CHGA: variants seen among roughly 807,000 people sequenced by gnomAD.
The protein encoded by CHGA is chromogranin-A.
CHGA carries 41 observed loss-of-function variants against 54.4 expected under a neutral mutation model. The ratio of observed to expected loss-of-function variants is 0.75; its 90% CI spans 0.59 to 0.98. The LOEUF is 0.98. Among genes scored for constraint, CHGA ranks in the 50% least tolerant of loss-of-function variants. CHGA has a pLI of 0.00. For synonymous variants in CHGA, 249 were observed against 232.8 expected (o/e 1.07, Z -0.63); for missense variants, 576 against 582.3 (o/e 0.99, Z 0.11).
Position 92,932,292 on chromosome 14 carries a change from G to GC in CHGA, c.809-73dup. ...AGGCTGGGCTGTGGCCGCAGCAGAG[G>GC]CCCCCAGGGAGTGGCAGAGACTGGG... is the stretch of plus-strand genomic sequence containing the variant. On this transcript the variant is annotated intron_variant, in intron 6 of 7. Coordinates refer to ENST00000216492, the MANE Select transcript of CHGA (RefSeq NM_001275.4). The surrounding 1 kb of genome is among the most constrained non-coding windows in gnomAD (Gnocchi z 5.3). The GC allele has an allele frequency of 6.8e-7, 1 of 1,472,038 alleles. No individual in the cohort carries two copies. The highest frequency in any genetic ancestry group is 9.0e-7 in the Non-Finnish European group (1 of 1,109,456). The allele number at this position is 1,472,038 out of a possible 1,614,324, so 91.2% of individuals were successfully genotyped here. A position where few individuals can be genotyped will look rare whatever the true frequency, so the allele number is the denominator to read the frequency against.
rs1297967520 is a variant in CHGA at position 92,934,882 on chromosome 14, T to C, written c.1372T>C (p.Ter458ArgextTer74). The change falls in exon 8 of 8, where the codon TGA becomes CGA. Residue 458 changes from the stop codon to arginine (R), a stop_lost. Transcript: ENST00000216492. ...AHQLQALRRG[*>R] The stretch of plus-strand genomic sequence containing the variant: ...CCAGCTGCAGGCACTACGGCGGGGC[T>C]GAGACACCGGCTGGCAGGGCTGGCC... 1 of 1,561,946 alleles carries C rather than the reference T, an allele frequency of 6.4e-7. No homozygotes were observed. The highest frequency in any genetic ancestry group is 1.9e-5 in the Admixed American group (1 of 51,644).
intron 2 of CHGA, 117 bp downstream of exon 2, chr14:92,924,362 C>A: frequency 1.0e-6 from 1 of 989,994 alleles, no homozygotes; most frequent in Non-Finnish European, 1.5e-6. Context: ...ACTGCGGCTG[C>A]TGAGCCTGGG....
intron 3 of CHGA, among the ~76,000 whole-genome samples, chr14:92,927,216 G>A (rs1006843485): frequency 6.6e-6 from 1 of 152,196 alleles, no homozygotes; most frequent in Non-Finnish European, 1.5e-5. Context: ...ATGAAGACAG[G>A]GTTGTCCAGG....
chr14:92,932,534 C>T lies in CHGA; in HGVS notation c.973C>T (p.Leu325=). ...CTTCCGGGGTGGGAAGAGCGGAGAG[C>T]TGGAGCAGGAGGAGGAGCGGCTCTC... ...GLFRGGKSGE[L]EQEEERLSKE... is the part of the protein sequence containing the mutation. Residue 325 remains leucine (L), a synonymous_variant, in exon 7 of 8, where the codon CTG becomes TTG. Coordinates refer to ENST00000216492, the MANE Select transcript of CHGA (RefSeq NM_001275.4). The surrounding 1 kb of genome is among the most constrained non-coding windows in gnomAD (Gnocchi z 5.3). The T allele has an allele frequency of 6.4e-7, 1 of 1,554,062 alleles. No homozygotes were observed. Among genetic ancestry groups the T allele is most frequent in the South Asian group, 1.2e-5 (1 of 84,218 alleles).
chr14:92,923,385 T>C lies in CHGA; in HGVS notation c.26T>C (p.Leu9Pro). 7.8e-7 allele frequency: 1 copy of C among 1,286,790 alleles called. No individual in the cohort carries two copies. The highest frequency in any genetic ancestry group is 9.8e-7 in the Non-Finnish European group (1 of 1,021,514). The allele number at this position is 1,286,790 out of a possible 1,614,324, so 79.7% of individuals were successfully genotyped here. A position where few individuals can be genotyped will look rare whatever the true frequency, so the allele number is the denominator to read the frequency against. The change falls in exon 1 of 8, where the codon CTT becomes CCT. Residue 9 changes from leucine (L) to proline (P), a missense_variant. Coordinates refer to ENST00000216492, the MANE Select transcript of CHGA (RefSeq NM_001275.4). MRSAAVLA[L>P]LLCAGQVTAL... The stretch of plus-strand genomic sequence containing the variant: ...ATGCGCTCCGCCGCTGTCCTGGCTC[T>C]TCTGCTCTGCGCCGGGCAAGGTGAG...
intron 7 of CHGA, 56 bp from the exon 8 acceptor site, chr14:92,934,745 G>C: frequency 7.1e-7 from 1 of 1,399,158 alleles, no homozygotes; most frequent in Non-Finnish European, 9.9e-7. Context: ...CTGGCTTACT[G>C]TGCCTTCCAT....
Position 92,923,184 on chromosome 14 carries a change from G to C in CHGA, c.-176G>C, listed in dbSNP as rs999648459. 6.7e-6 allele frequency: 3 copies of C among 445,756 alleles called. No homozygotes were observed. Among genetic ancestry groups the C allele is most frequent in the African/African-American group, 6.2e-5 (3 of 48,308 alleles). The allele number at this position is 445,756 out of a possible 1,614,324, so 27.6% of individuals were successfully genotyped here. ...CCTGCCACTGCAGTGCTCGAGCCCCGTGCAGGGGAGCTTGCGGGAGGATCG... is the reference window on the plus strand; with the variant it reads ...CCTGCCACTGCAGTGCTCGAGCCCCCTGCAGGGGAGCTTGCGGGAGGATCG... On this transcript the variant is annotated 5_prime_UTR_variant, in exon 1 of 8. Coordinates refer to ENST00000216492, the MANE Select transcript of CHGA (RefSeq NM_001275.4).
Position 92,932,788 on chromosome 14 carries a change from C to T in CHGA, c.1227C>T (p.Leu409=). The T allele has an allele frequency of 6.3e-7, 1 of 1,579,760 alleles. No homozygotes were observed. The highest frequency in any genetic ancestry group is 8.6e-7 in the Non-Finnish European group (1 of 1,162,050). ...REDSLEAGLP[L]QVRGYPEEKK... ...ACAGCCTTGAGGCGGGCCTGCCCCT[C>T]CAGGTCCGAGGCTACCCCGAGGAGA... The change falls in exon 7 of 8, where the codon CTC becomes CTT. Residue 409 remains leucine (L), a synonymous_variant. Coordinates refer to ENST00000216492, the MANE Select transcript of CHGA (RefSeq NM_001275.4). This position sits in a 1 kb window ranked among gnomAD's most constrained non-coding sequence, Gnocchi z 5.3.
intron 6 of CHGA, 26 bp downstream of exon 6, chr14:92,931,728 C>G (rs767746033): frequency 6.5e-7 from 1 of 1,536,842 alleles, no homozygotes. Flanking sequence ...AAGACCTCAA[C>G]GAACGTGTCT....
At position 92,923,274 on chromosome 14, in the gene CHGA, G is replaced by T; in HGVS notation, c.-86G>T. 2.5e-6 allele frequency: 3 copies of T among 1,204,584 alleles called. No homozygotes were observed. The South Asian group carries it at 1.0e-4, about 42-fold the overall frequency. The allele number at this position is 1,204,584 out of a possible 1,614,324, so 74.6% of individuals were successfully genotyped here. A position where few individuals can be genotyped will look rare whatever the true frequency, so the allele number is the denominator to read the frequency against. ...CCCCGCGCCGGTGCCACCGCAGCCC[G>T]ACCCCGGCCGCCAGTCCAGCCGCCC... On this transcript the variant is annotated 5_prime_UTR_variant, in exon 1 of 8. Transcript: ENST00000216492.
At chr14:92,923,457 C>T in intron 1 of CHGA, 52 bp downstream of exon 1, 1 of 1,234,636 alleles carries the variant, frequency 8.1e-7, no homozygotes, top group Non-Finnish European at 1.0e-6. Context: ...CCCCTGCCCA[C>T]CTTGAGGTCC....
chr14:92,923,668 G>T (rs1204792643), intron 1 of CHGA, among the ~76,000 whole-genome samples: 1 of 152,192 alleles, frequency 6.6e-6, no homozygotes, highest in Non-Finnish European at 1.5e-5. Flanking sequence ...TTGGCGCCTC[G>T]GTTGCATCAG....
rs1343629095 is a variant in CHGA at position 92,923,412 on chromosome 14, G to A, written c.46+7G>A. The A allele has an allele frequency of 4.0e-6, 5 of 1,257,864 alleles. No individual in the cohort carries two copies. In the African/African-American group the frequency reaches 4.6e-5, roughly 12 times the overall value. 77.9% of individuals were successfully genotyped at this position (1,257,864 alleles called of 1,614,324 possible). A position where few individuals can be genotyped will look rare whatever the true frequency, so the allele number is the denominator to read the frequency against. On this transcript the variant is annotated splice_region_variant and intron_variant, in intron 1 of 7. Transcript: ENST00000216492. ...CTGCTCTGCGCCGGGCAAGGTGAGC[G>A]AGCGCGGGGAGCTCGCGGGAGAGGG... is the stretch of plus-strand genomic sequence containing the variant.
chr14:92,932,732 C>T lies in CHGA; in HGVS notation c.1171C>T (p.Arg391Ter), dbSNP rs756448761. Residue 391 changes from arginine to a stop codon, truncating the protein, a stop_gained, in exon 7 of 8, where the codon CGA (arginine) becomes TGA (stop). Transcript: ENST00000216492. LOFTEE classifies it high-confidence loss of function. The surrounding 1 kb of genome is among the most constrained non-coding windows in gnomAD (Gnocchi z 5.3). Reference protein sequence around the residue: ...YGFRGPGPQLRRGWRPSSRED... With the variant: ...YGFRGPGPQL The stretch of plus-strand genomic sequence containing the variant: ...CTTCAGGGGCCCTGGGCCGCAGCTG[C>T]GACGAGGCTGGAGGCCATCCTCCCG... 5.6e-6 allele frequency: 9 copies of T among 1,610,336 alleles called. No homozygotes were observed. Among genetic ancestry groups the T allele is most frequent in the Admixed American group, 1.7e-5 (1 of 59,846 alleles).
Position 92,931,410 on chromosome 14 carries a change from G to A in CHGA, c.516G>A (p.Glu172=), listed in dbSNP as rs774060250. Residue 172 remains glutamate (E), a synonymous_variant, in exon 6 of 8, where the codon GAG becomes GAA. Coordinates refer to ENST00000216492, the MANE Select transcript of CHGA (RefSeq NM_001275.4). ...AGGGGAACAATCAGGCCCCTGGGGAGGAAGAGGAGGAGGAGGAGGAGGCCA... is the reference window on the plus strand; with the variant it reads ...AGGGGAACAATCAGGCCCCTGGGGAAGAAGAGGAGGAGGAGGAGGAGGCCA... ...KAEGNNQAPG[E]EEEEEEEATN... is the part of the protein sequence containing the mutation. 11 of 1,611,014 alleles carry A rather than the reference G, an allele frequency of 6.8e-6. No homozygotes were observed. The South Asian group carries it at 1.2e-4, about 18-fold the overall frequency.
intron 3 of CHGA, among the ~76,000 whole-genome samples, 164 bp from the exon 4 acceptor site, chr14:92,927,386 A>T (rs774055598): frequency 8.5e-5 from 13 of 152,214 alleles, no homozygotes; most frequent in Non-Finnish European, 2.9e-5. Flanking sequence ...TACCTTGGAA[A>T]GGAGGTAATT....
intron 6 of CHGA, 59 bp downstream of exon 6, chr14:92,931,761 G>A (rs1887004694): frequency 2.0e-6 from 3 of 1,475,144 alleles, no homozygotes; most frequent in South Asian, 2.7e-5. Context: ...TGGGTGGGAG[G>A]AGAGCCTTCT....
intron 4 of CHGA, among the ~76,000 whole-genome samples, chr14:92,928,125 G>A (rs1886922902): frequency 6.6e-6 from 1 of 152,250 alleles, no homozygotes; most frequent in East Asian, 1.9e-4. Context: ...CTTCCTGTGG[G>A]AAGCGGCCGT....
In CHGA at chr14:92,926,669, G is replaced by GCCAGGAATGTTT; in HGVS notation, c.159_170dup (p.Gln54_Phe57dup). 1 of 1,614,062 alleles carries GCCAGGAATGTTT rather than the reference G, an allele frequency of 6.2e-7. No individual in the cohort carries two copies. Among genetic ancestry groups the GCCAGGAATGTTT allele is most frequent in the Non-Finnish European group, 8.5e-7 (1 of 1,180,026 alleles). ...TCCAAGCCCAGCCCCATGCCTGTCA[G>GCCAGGAATGTTT]CCAGGAATGTTTTGAGACACTCCGA... On this transcript the variant is annotated inframe_insertion, in exon 3 of 8. Coordinates refer to ENST00000216492, the MANE Select transcript of CHGA (RefSeq NM_001275.4).
Sources: gnomAD v4.1 joint callset for allele counts (sites outside exome capture counted in the v4.1 genomes callset) on GRCh38, gnomAD v4.1.1 for gene constraint, Gnocchi (gnomAD v3.1) non-coding constraint, MANE v1.5 for transcripts, NCBI Gene and HGNC (gene_info 2026-07-23, HGNC 2026-07-21) for gene names.